The following OXSR1 variants were observed in gnomAD, a reference collection of about 807,000 sequenced individuals.
OXSR1 encodes the protein oxidative stress responsive kinase 1.
Under a neutral mutation model 79.8 loss-of-function variants are expected in OXSR1, and 24 were observed. The observed-to-expected ratio is 0.30, with a 90% CI of 0.22 to 0.42. OXSR1 has a LOEUF of 0.42. Among genes scored for constraint, OXSR1 ranks in the 10% least tolerant of loss-of-function variants. The pLI is 1.00. For synonymous variants in OXSR1, 226 were observed against 209.2 expected, an observed-to-expected ratio of 1.08 and a Z score of -0.69; for missense variants, 430 against 618.4, an observed-to-expected ratio of 0.70 and a Z score of 3.23.
intron 2 of OXSR1, among the ~76,000 whole-genome samples, chr3:38,184,612 A>C (rs1403529255): frequency 1.3e-5 from 2 of 152,212 alleles, no homozygotes; most frequent in Non-Finnish European, 2.9e-5. Context: ...TGAAAGTCTT[A>C]TTATTTACTG....
chr3:38,200,717 C>A (rs1434211277), intron 4 of OXSR1, among the ~76,000 whole-genome samples: 1 of 152,182 alleles, frequency 6.6e-6, no homozygotes, highest in Non-Finnish European at 1.5e-5. Flanking sequence ...TGGAACCATT[C>A]TCCAAATATT....
intron 4 of OXSR1, 45 bp from the exon 5 acceptor site, chr3:38,216,051 A>G: frequency 8.3e-7 from 1 of 1,201,984 alleles, no homozygotes; most frequent in Non-Finnish European, 1.2e-6. Context: ...GTTACTCCAA[A>G]GAATAGATGT....
chr3:38,227,416 A>G (rs1702711167), intron 8 of OXSR1, among the ~76,000 whole-genome samples: 1 of 152,170 alleles, frequency 6.6e-6, no homozygotes. Flanking sequence ...ACCTGTTTTA[A>G]TCAGACTACA....
chr3:38,219,907 A>C (rs1244661034), intron 5 of OXSR1, among the ~76,000 whole-genome samples: 4 of 152,076 alleles, frequency 2.6e-5, no homozygotes, highest in Non-Finnish European at 5.9e-5. Flanking sequence ...TCGTAGGCTC[A>C]AGCAGTCCTC....
At chr3:38,220,446 G>A (rs1702566316) in intron 5 of OXSR1, among the ~76,000 whole-genome samples, 2 of 152,046 alleles carry the variant, frequency 1.3e-5, no homozygotes, top group African/African-American at 4.8e-5. Context: ...ATAATGCAGA[G>A]TATTCTGGAA....
At chr3:38,225,564 A>G (rs570289569) in intron 8 of OXSR1, among the ~76,000 whole-genome samples, 1 of 152,008 alleles carries the variant, frequency 6.6e-6, no homozygotes, top group African/African-American at 2.4e-5. Context: ...CTGTGTTTTT[A>G]TAATTTTTTT....
chr3:38,224,736 C>T, intron 8 of OXSR1, 32 bp downstream of exon 8: 1 of 1,427,988 alleles, frequency 7.0e-7, no homozygotes, highest in Non-Finnish European at 9.5e-7. Context: ...ACTTTTCTCT[C>T]TAATAAAACA....
At position 38,165,582 on chromosome 3, in the gene OXSR1, G is replaced by GGTGGAGGGCGGGA; in HGVS notation, c.-295_-294insGTGGAGGGCGGGA. 2.4e-6 allele frequency: 1 copy of GGTGGAGGGCGGGA among 418,486 alleles called. No homozygotes were observed. Among genetic ancestry groups the GGTGGAGGGCGGGA allele is most frequent in the Non-Finnish European group, 4.3e-6 (1 of 234,066 alleles). 25.9% of individuals were successfully genotyped at this position (418,486 alleles called of 1,614,324 possible). A position where few individuals can be genotyped will look rare whatever the true frequency, so the allele number is the denominator to read the frequency against. Reference sequence around the variant, plus strand: ...GTGGAGGGCGGGACAGAGGGGCTGGGCCCAGGCAAAGCTTCTGTCGCTGCT... The same window carrying GGTGGAGGGCGGGA: ...GTGGAGGGCGGGACAGAGGGGCTGGGGTGGAGGGCGGGACCCAGGCAAAGCTTCTGTCGCTGCT... On this transcript the variant is annotated 5_prime_UTR_variant, in exon 1 of 18. Coordinates refer to ENST00000311806, the MANE Select transcript of OXSR1 (RefSeq NM_005109.3).
chr3:38,193,254 A>G, intron 3 of OXSR1: 1 of 1,288,980 alleles, frequency 7.8e-7, no homozygotes, highest in Non-Finnish European at 1.0e-6. Context: ...GTGTAGCCAG[A>G]ATCACCTTTT....
At chr3:38,245,028 T>C (rs1474778397) in intron 12 of OXSR1, among the ~76,000 whole-genome samples, 1 of 152,202 alleles carries the variant, frequency 6.6e-6, no homozygotes, top group Non-Finnish European at 1.5e-5. Context: ...TCTTTTGAAA[T>C]AGTATTAATA....
At chr3:38,217,510 C>T (rs370442131) in intron 5 of OXSR1, among the ~76,000 whole-genome samples, 1 of 151,762 alleles carries the variant, frequency 6.6e-6, no homozygotes. Flanking sequence ...ACTGGAATAC[C>T]GGGTTTTTGT....
At chr3:38,177,026 T>C (rs1701687897) in intron 1 of OXSR1, among the ~76,000 whole-genome samples, 1 of 152,222 alleles carries the variant, frequency 6.6e-6, no homozygotes, top group Non-Finnish European at 1.5e-5. Flanking sequence ...GAACTAATAC[T>C]GGTTAAAAAG....
intron 2 of OXSR1, among the ~76,000 whole-genome samples, chr3:38,189,825 T>A (rs769015884): frequency 6.6e-6 from 1 of 152,242 alleles, no homozygotes; most frequent in Admixed American, 6.5e-5. Context: ...AGTTCCACAG[T>A]GATTGAGAAT....
chr3:38,190,172 A>C (rs190495413), intron 2 of OXSR1, among the ~76,000 whole-genome samples: 5 of 152,274 alleles, frequency 3.3e-5, no homozygotes, highest in Admixed American at 3.3e-4. Context: ...TTGTCATACC[A>C]AATCTAGTTT....
intron 4 of OXSR1, among the ~76,000 whole-genome samples, chr3:38,215,787 A>ATTGAATTGAAAAATTGAAAAATTG (rs1702470670): frequency 6.6e-6 from 1 of 152,194 alleles, no homozygotes; most frequent in African/African-American, 2.4e-5. Flanking sequence ...GGGGTATAGA[A>ATTGAATTGAAAAATTGAAAAATTG]AAAAATATAT....
chr3:38,249,054 CA>C (rs1307423211), intron 14 of OXSR1, among the ~76,000 whole-genome samples: 1 of 152,008 alleles, frequency 6.6e-6, no homozygotes, highest in Non-Finnish European at 1.5e-5. Context: ...AGAAAGAACG[CA>C]ATGCAAGGGA....
At chr3:38,208,931 T>C (rs905966298) in intron 4 of OXSR1, among the ~76,000 whole-genome samples, 6 of 151,862 alleles carry the variant, frequency 4.0e-5, no homozygotes, top group Admixed American at 3.9e-4. Flanking sequence ...AAAAAAATGC[T>C]GTTATTCTAA....
At chr3:38,231,629 G>A (rs1416917875) in intron 10 of OXSR1, among the ~76,000 whole-genome samples, 2 of 151,984 alleles carry the variant, frequency 1.3e-5, no homozygotes, top group East Asian at 3.9e-4. Context: ...TGAGAACAGG[G>A]ACTTTTTTTC....
intron 3 of OXSR1, 58 bp from the exon 4 acceptor site, chr3:38,198,664 A>G (rs1702107846): frequency 7.5e-7 from 1 of 1,337,230 alleles, no homozygotes; most frequent in South Asian, 1.4e-5. Flanking sequence ...TCTAAAATGG[A>G]TCTGAATTAT....
Sources: allele counts gnomAD v4.1 joint callset (sites outside exome capture counted in the v4.1 genomes callset), GRCh38; gene constraint gnomAD v4.1.1; transcripts MANE v1.5; gene names NCBI Gene and HGNC (gene_info 2026-07-23, HGNC 2026-07-21).